NUPR1: variants seen among roughly 807,000 people sequenced by gnomAD.
NUPR1 encodes the protein nuclear protein 1.
A neutral mutation model predicts 7.3 loss-of-function variants in NUPR1; 8 were observed. The ratio of observed to expected loss-of-function variants is 1.09; its 90% CI spans 0.64 to 1.97. The LOEUF (loss-of-function observed/expected upper bound fraction) is 1.97, where lower values mean the gene tolerates loss of function less well. Among genes scored for constraint, NUPR1 ranks in the 30% most tolerant of loss-of-function variants. The pLI is 0.00. For missense variants in NUPR1, 96 were observed against 111.7 expected, an observed-to-expected ratio of 0.86 and a Z score of 0.63; for synonymous variants, 39 against 44.5, an observed-to-expected ratio of 0.88 and a Z score of 0.49.
At position 28,538,166 on chromosome 16, in the gene NUPR1, G is replaced by A. The variant is rs747759171; in HGVS notation, c.113-11C>T. On this transcript the variant is annotated splice_polypyrimidine_tract_variant and intron_variant, in intron 1 of 2. Coordinates refer to ENST00000324873, the MANE Select transcript of NUPR1 (RefSeq NM_012385.3). ...TCCGGCCTCCACCTCCTGTAACCAA[G>A]GCAGGAGTCAGAGGTGAAGTGGGCA... 2 of 1,614,136 alleles carry A rather than the reference G, an allele frequency of 1.2e-6. No homozygotes were observed. Among genetic ancestry groups the A allele is most frequent in the Non-Finnish European group, 1.7e-6 (2 of 1,180,018 alleles).
intron 1 of NUPR1, 167 bp downstream of exon 1, chr16:28,538,629 T>C (rs1271876340): frequency 1.4e-6 from 1 of 709,892 alleles, no homozygotes; most frequent in South Asian, 1.5e-5. Flanking sequence ...GTTTGAGTTG[T>C]TGTGATCACA....
rs1487520744 is a variant in NUPR1 at position 28,533,189 on chromosome 16, C to T, written c.*4494G>A. On this transcript the variant is annotated 3_prime_UTR_variant, in exon 3 of 3. Transcript: ENST00000324873. ...CAGGCCTCCAGCAGCATCCTGGTAA[C>T]TCAGAAGGCATCCAATAAGCATTGA... is the stretch of plus-strand genomic sequence containing the variant. 12 of 152,198 alleles carry T rather than the reference C, an allele frequency of 7.9e-5. No individual in the cohort carries two copies. The highest frequency in any genetic ancestry group is 7.9e-4 in the Admixed American group (12 of 15,242). The allele number at this position is 152,198 out of a possible 1,614,324, so 9.4% of individuals were successfully genotyped here.
In NUPR1 at chr16:28,536,009, C is replaced by T. The variant is rs1405574863; in HGVS notation, c.*1674G>A. ...CTGAGGTGGGCAGATCATTTGAGGC[C>T]AGGAGTTTGAGACCAGCCTGGCCAA... On this transcript the variant is annotated 3_prime_UTR_variant, in exon 3 of 3. Coordinates refer to ENST00000324873, the MANE Select transcript of NUPR1 (RefSeq NM_012385.3). 1 of 152,070 alleles carries T rather than the reference C, an allele frequency of 6.6e-6. No individual in the cohort carries two copies. Among genetic ancestry groups the T allele is most frequent in the East Asian group, 2.0e-4 (1 of 5,108 alleles). 9.4% of individuals were successfully genotyped at this position (152,070 alleles called of 1,614,324 possible). A position where few individuals can be genotyped will look rare whatever the true frequency, so the allele number is the denominator to read the frequency against.
rs1456668191 is a variant in NUPR1, at chr16:28,535,574, T to TC, written c.*2108_*2109insG. 3.0e-4 allele frequency: 8 copies of TC among 26,448 alleles called. No homozygotes were observed. The highest frequency in any genetic ancestry group is 2.3e-3 in the East Asian group (1 of 438). The allele number at this position is 26,448 out of a possible 1,614,324, so 1.6% of individuals were successfully genotyped here. On this transcript the variant is annotated 3_prime_UTR_variant, in exon 3 of 3. Transcript: ENST00000324873. ...TTCTTTCTTTCTTTCCTTCCTTCCT[T>TC]TCTTTCTTTCTTTCTTTCTTTCTTT...
chr16:28,538,482 G>T, intron 1 of NUPR1: 1 of 567,198 alleles, frequency 1.8e-6, no homozygotes, highest in East Asian at 3.1e-5. Flanking sequence ...TTGAGCCCAG[G>T]AATTTGGGAT....
intron 2 of NUPR1, 55 bp downstream of exon 2, chr16:28,537,951 T>C: frequency 1.4e-6 from 2 of 1,458,194 alleles, no homozygotes; most frequent in South Asian, 2.5e-5. Context: ...CCTTCCGGCC[T>C]GTCCTTCATG....
At chr16:28,537,966 A>C in intron 2 of NUPR1, 40 bp downstream of exon 2, 1 of 1,537,604 alleles carries the variant, frequency 6.5e-7, no homozygotes, top group Non-Finnish European at 8.9e-7. Flanking sequence ...TTCATGGCAG[A>C]AGCACCACCT....
At position 28,535,560 on chromosome 16, in the gene NUPR1, T is replaced by G. The variant is rs200803680; in HGVS notation, c.*2123A>C. 1.6e-5 allele frequency: 1 copy of G among 64,236 alleles called. No homozygotes were observed. The allele number at this position is 64,236 out of a possible 1,614,324, so 4.0% of individuals were successfully genotyped here. On this transcript the variant is annotated 3_prime_UTR_variant, in exon 3 of 3. Coordinates refer to ENST00000324873, the MANE Select transcript of NUPR1 (RefSeq NM_012385.3). ...CTTTCTTTCCTTCTTTCTTTCTTTC[T>G]TTCCTTCCTTCCTTTCTTTCTTTCT...
rs2046605943 is a variant in NUPR1, at chr16:28,535,524, T to TTTCTTTCC, written c.*2158_*2159insGGAAAGAA. ...GCTCTTTTCTTTCTTTCTTTCTTTC[T>TTTCTTTCC]TTCTTTCTTTCTTTCTTTCCTTCTT... On this transcript the variant is annotated 3_prime_UTR_variant, in exon 3 of 3. Transcript: ENST00000324873. 1 of 70,972 alleles carries TTTCTTTCC rather than the reference T, an allele frequency of 1.4e-5. No homozygotes were observed. Among genetic ancestry groups the TTTCTTTCC allele is most frequent in the Admixed American group, 1.8e-4 (1 of 5,648 alleles). The allele number at this position is 70,972 out of a possible 1,614,324, so 4.4% of individuals were successfully genotyped here.
rs1295908873 is a variant in NUPR1 at position 28,537,337 on chromosome 16, A to G, written c.*346T>C. 1.3e-5 allele frequency: 2 copies of G among 152,246 alleles called. No individual in the cohort carries two copies. Among genetic ancestry groups the G allele is most frequent in the East Asian group, 1.9e-4 (1 of 5,246 alleles). 9.4% of individuals were successfully genotyped at this position (152,246 alleles called of 1,614,324 possible). ...CACACATGCCCGAACAAAAACACAC[A>G]AAGAACAAGGATGAACACACACCCA... On this transcript the variant is annotated 3_prime_UTR_variant, in exon 3 of 3. Transcript: ENST00000324873.
rs2046613850 is a variant in NUPR1 at position 28,535,591 on chromosome 16, T to TCTTTC, written c.*2087_*2091dup. 1 of 48,342 alleles carries TCTTTC rather than the reference T, an allele frequency of 2.1e-5. No homozygotes were observed. Among genetic ancestry groups the TCTTTC allele is most frequent in the Non-Finnish European group, 3.7e-5 (1 of 26,978 alleles). The allele number at this position is 48,342 out of a possible 1,614,324, so 3.0% of individuals were successfully genotyped here. ...TCCTTCCTTTCTTTCTTTCTTTCTT[T>TCTTTC]CTTTCTTTCTTTCTTTCTTTCTTTC... On this transcript the variant is annotated 3_prime_UTR_variant, in exon 3 of 3. Transcript: ENST00000324873.
Position 28,538,893 on chromosome 16 carries a change from T to G in NUPR1, c.15A>C (p.Pro5=), listed in dbSNP as rs751501676. Residue 5 remains proline, a synonymous_variant, in exon 1 of 3, where the codon CCA becomes CCC. Coordinates refer to ENST00000324873, the MANE Select transcript of NUPR1 (RefSeq NM_012385.3). MATF[P]PATSAPQQPP... is the part of the protein sequence containing the mutation. ...GCTGCTGGGGGGCGCTGGTTGCTGG[T>G]GGGAAGGTGGCCATCGTGCCTGGCT... 3 of 1,612,888 alleles carry G rather than the reference T, an allele frequency of 1.9e-6. No homozygotes were observed. The highest frequency in any genetic ancestry group is 4.5e-5 in the East Asian group (2 of 44,850).
intron 1 of NUPR1, 74 bp downstream of exon 1, chr16:28,538,722 A>G: frequency 7.2e-6 from 8 of 1,111,862 alleles, no homozygotes; most frequent in Admixed American, 1.8e-5. Flanking sequence ...AAAGGAAATG[A>G]GAGGAAACAA....
At position 28,535,540 on chromosome 16, in the gene NUPR1, T is replaced by TTTCTTTCTTTCTTTCTTTCTTTCC. The variant is rs1487422180; in HGVS notation, c.*2142_*2143insGGAAAGAAAGAAAGAAAGAAAGAA. On this transcript the variant is annotated 3_prime_UTR_variant, in exon 3 of 3. Transcript: ENST00000324873. Reference sequence around the variant, plus strand: ...CTTTCTTTCTTTCTTTCTTTCTTTCTTTCCTTCTTTCTTTCTTTCTTTCCT... The same window carrying TTTCTTTCTTTCTTTCTTTCTTTCC: ...CTTTCTTTCTTTCTTTCTTTCTTTCTTTCTTTCTTTCTTTCTTTCTTTCCTTCCTTCTTTCTTTCTTTCTTTCCT... The TTTCTTTCTTTCTTTCTTTCTTTCC allele has an allele frequency of 7.7e-5, 5 of 65,060 alleles. No homozygotes were observed. Among genetic ancestry groups the TTTCTTTCTTTCTTTCTTTCTTTCC allele is most frequent in the Admixed American group, 3.8e-4 (2 of 5,312 alleles). The allele number at this position is 65,060 out of a possible 1,614,324, so 4.0% of individuals were successfully genotyped here.
chr16:28,535,576 C>T lies in NUPR1; in HGVS notation c.*2107G>A, dbSNP rs1300998961. ...CTTTCTTTCTTTCCTTCCTTCCTTT[C>T]TTTCTTTCTTTCTTTCTTTCTTTCT... On this transcript the variant is annotated 3_prime_UTR_variant, in exon 3 of 3. Coordinates refer to ENST00000324873, the MANE Select transcript of NUPR1 (RefSeq NM_012385.3). 2.5e-5 allele frequency: 1 copy of T among 39,346 alleles called. No individual in the cohort carries two copies. The highest frequency in any genetic ancestry group is 4.2e-5 in the Non-Finnish European group (1 of 23,962). 2.4% of individuals were successfully genotyped at this position (39,346 alleles called of 1,614,324 possible).
rs995743013 is a variant in NUPR1 at position 28,537,045 on chromosome 16, C to G, written c.*638G>C. ...AGCGTTCCCGTCTATGAACAGGACA[C>G]AATCAACAAAAACAGGTGCTGGGGA... On this transcript the variant is annotated 3_prime_UTR_variant, in exon 3 of 3. Coordinates refer to ENST00000324873, the MANE Select transcript of NUPR1 (RefSeq NM_012385.3). The G allele has an allele frequency of 1.3e-5, 2 of 152,174 alleles. No individual in the cohort carries two copies. Among genetic ancestry groups the G allele is most frequent in the South Asian group, 2.1e-4 (1 of 4,832 alleles). 9.4% of individuals were successfully genotyped at this position (152,174 alleles called of 1,614,324 possible).
chr16:28,538,294 G>T lies in NUPR1; in HGVS notation c.113-139C>A, dbSNP rs1033566127. On this transcript the variant is annotated intron_variant, in intron 1 of 2. Coordinates refer to ENST00000324873, the MANE Select transcript of NUPR1 (RefSeq NM_012385.3). Reference sequence around the variant, plus strand: ...GCTGCTTCCCCTCTGTGGAATGTGGGACCCCAGATGTGTGTGAGGTCCCAG... The same window carrying T: ...GCTGCTTCCCCTCTGTGGAATGTGGTACCCCAGATGTGTGTGAGGTCCCAG... The T allele has an allele frequency of 4.8e-6, 6 of 1,258,354 alleles. No individual in the cohort carries two copies. The African/African-American group carries it at 7.4e-5, about 15-fold the overall frequency. 77.9% of individuals were successfully genotyped at this position (1,258,354 alleles called of 1,614,324 possible).
In NUPR1 at chr16:28,538,964, G is replaced by T; in HGVS notation, c.-57C>A. 6.9e-7 allele frequency: 1 copy of T among 1,448,890 alleles called. No homozygotes were observed. 89.8% of individuals were successfully genotyped at this position (1,448,890 alleles called of 1,614,324 possible). ...TTCTCCTAACGCTTTGTCTGTCTCT[G>T]CTTTCCTGGCCCCGGGCCTCTCCAC... is the stretch of plus-strand genomic sequence containing the variant. On this transcript the variant is annotated 5_prime_UTR_variant, in exon 1 of 3. Coordinates refer to ENST00000324873, the MANE Select transcript of NUPR1 (RefSeq NM_012385.3).
rs1297046298 is a variant in NUPR1 at position 28,532,768 on chromosome 16, G to A, written c.*4915C>T. The stretch of plus-strand genomic sequence containing the variant: ...TGGTTCTTCCCAGGCATGTAGCAAA[G>A]GGGGAAAAATCCAGGCTTTAAAATT... On this transcript the variant is annotated 3_prime_UTR_variant, in exon 3 of 3. Transcript: ENST00000324873. The A allele has an allele frequency of 6.6e-6, 1 of 152,190 alleles. No homozygotes were observed. The highest frequency in any genetic ancestry group is 1.5e-5 in the Non-Finnish European group (1 of 68,026). The allele number at this position is 152,190 out of a possible 1,614,324, so 9.4% of individuals were successfully genotyped here.
Sources: gnomAD v4.1 joint callset for allele counts on GRCh38, gnomAD v4.1.1 for gene constraint, MANE v1.5 for transcripts, NCBI Gene and HGNC (gene_info 2026-07-23, HGNC 2026-07-21) for gene names.